The following LAMA2 variants were observed in gnomAD, a reference collection of about 807,000 sequenced individuals.
LAMA2 encodes the protein laminin subunit alpha-2.
LAMA2 carries 269 observed loss-of-function variants against 364.8 expected under a neutral mutation model. The observed-to-expected ratio is 0.74, with a 90% CI of 0.67 to 0.82. The LOEUF is 0.82. LAMA2 is among the 40% of genes least tolerant of loss of function. The pLI, the probability that LAMA2 is intolerant of heterozygous loss-of-function variation, is 0.00. For synonymous variants in LAMA2, 1,379 were observed against 1,370.6 expected (o/e 1.01, Z -0.14); for missense variants, 3,807 against 3,873.2 (o/e 0.98, Z 0.45).
chr6:129,418,956 G>A (rs530058517), intron 40 of LAMA2, among the ~76,000 whole-genome samples: 7 of 152,102 alleles, frequency 4.6e-5, no homozygotes, highest in South Asian at 2.1e-4. Context: ...TGGCTAAATC[G>A]AGGTATTTAA....
At chr6:128,960,745 A>G (rs1781436099) in intron 1 of LAMA2, among the ~76,000 whole-genome samples, 1 of 152,130 alleles carries the variant, frequency 6.6e-6, no homozygotes, top group Admixed American at 6.5e-5. Flanking sequence ...ACAACATTTT[A>G]AATATTACCA....
intron 1 of LAMA2, chr6:128,929,919 G>T: frequency 1.2e-6 from 1 of 815,710 alleles, no homozygotes; most frequent in Non-Finnish European, 2.1e-6. Flanking sequence ...TACGCAGCAA[G>T]CAGGAGCGCG....
chr6:129,283,395 A>G (rs1156784253), intron 18 of LAMA2, among the ~76,000 whole-genome samples: 2 of 152,104 alleles, frequency 1.3e-5, no homozygotes, highest in African/African-American at 2.4e-5. Flanking sequence ...AACCTCAGCA[A>G]CATGTCATAC....
chr6:129,075,330 G>A lies in LAMA2; in HGVS notation c.396+15434G>A, dbSNP rs546189530. Among the ~76,000 whole-genome samples the A allele has an allele frequency of 2.6e-5, 4 of 152,266 alleles. No homozygotes were observed. The South Asian group carries it at 6.2e-4, about 24-fold the overall frequency. On this transcript the variant is annotated intron_variant, in intron 3 of 64. Coordinates refer to ENST00000421865, the MANE Select transcript of LAMA2 (RefSeq NM_000426.4). ...CAAAGGTGGCATGAGATGCTGTCAC[G>A]GAGGTCTCCAGGTCTTCTTAGCTCC...
intron 1 of LAMA2, among the ~76,000 whole-genome samples, chr6:129,043,344 A>T (rs949107025): frequency 1.3e-5 from 2 of 152,186 alleles, no homozygotes; most frequent in Non-Finnish European, 2.9e-5. Flanking sequence ...CATTTAAAAG[A>T]ATTTAACAGG....
At chr6:128,998,618 A>G (rs1784163127) in intron 1 of LAMA2, among the ~76,000 whole-genome samples, 2 of 10,558 alleles carry the variant, frequency 1.9e-4, no homozygotes, top group Non-Finnish European at 7.4e-4. Context: ...TCCCTTTCCG[A>G]GTCAAAGAAA....
At chr6:129,100,213 A>G (rs1035010372) in intron 4 of LAMA2, among the ~76,000 whole-genome samples, 1 of 152,178 alleles carries the variant, frequency 6.6e-6, no homozygotes, top group Non-Finnish European at 1.5e-5. Flanking sequence ...AACAAAAGAC[A>G]TGTTTATTAG....
intron 1 of LAMA2, among the ~76,000 whole-genome samples, chr6:128,918,069 T>C (rs1778458870): frequency 6.6e-6 from 1 of 152,160 alleles, no homozygotes; most frequent in Non-Finnish European, 1.5e-5. Context: ...CTATTTATTT[T>C]CTTTACTTTA....
intron 1 of LAMA2, among the ~76,000 whole-genome samples, chr6:128,981,881 A>C (rs1003334830): frequency 6.6e-6 from 1 of 152,068 alleles, no homozygotes; most frequent in Non-Finnish European, 1.5e-5. Flanking sequence ...ACTCATTCTC[A>C]TCTCTTAATT....
intron 14 of LAMA2, among the ~76,000 whole-genome samples, chr6:129,253,207 A>G (rs1032039674): frequency 1.3e-5 from 2 of 152,024 alleles, no homozygotes; most frequent in African/African-American, 4.8e-5. Flanking sequence ...CTCGTTTTCT[A>G]CTCTAATAAT....
chr6:129,365,257 TG>T (rs1007484860), intron 32 of LAMA2, among the ~76,000 whole-genome samples: 29 of 152,140 alleles, frequency 1.9e-4, no homozygotes, highest in African/African-American at 6.5e-4. Flanking sequence ...TAATCATGGG[TG>T]GTAATAGACT....
intron 18 of LAMA2, 110 bp from the exon 19 acceptor site, chr6:129,287,737 A>G: frequency 1.1e-6 from 1 of 935,142 alleles, no homozygotes; most frequent in Non-Finnish European, 1.8e-6. Context: ...GAAAAGGAAC[A>G]CTTAAAAGGA....
intron 40 of LAMA2, among the ~76,000 whole-genome samples, chr6:129,426,369 G>A (rs1382102918): frequency 6.6e-6 from 1 of 152,032 alleles, no homozygotes. Flanking sequence ...TAAAAATGAC[G>A]TGTAAATTTG....
intron 1 of LAMA2, among the ~76,000 whole-genome samples, chr6:128,950,339 T>A (rs934889022): frequency 3.3e-5 from 5 of 151,816 alleles, no homozygotes. Context: ...TCAAGAAAAG[T>A]GAGTAGTCTG....
chr6:129,014,273 A>T (rs945172790), intron 1 of LAMA2, among the ~76,000 whole-genome samples: 2 of 152,218 alleles, frequency 1.3e-5, no homozygotes, highest in African/African-American at 4.8e-5. Context: ...GCTATCTTAC[A>T]TTCGGATCCT....
At chr6:129,455,741 T>C (rs1782928433) in intron 47 of LAMA2, among the ~76,000 whole-genome samples, 1 of 152,176 alleles carries the variant, frequency 6.6e-6, no homozygotes, top group Admixed American at 6.5e-5. Context: ...TACACTGAAA[T>C]CTGAAGGGTG....
At chr6:129,219,916 A>C (rs930803496) in intron 12 of LAMA2, among the ~76,000 whole-genome samples, 2 of 151,466 alleles carry the variant, frequency 1.3e-5, no homozygotes, top group Non-Finnish European at 2.9e-5. Context: ...ACATGTATAC[A>C]TATGTAACTA....
At chr6:128,966,476 A>C (rs993415560) in intron 1 of LAMA2, among the ~76,000 whole-genome samples, 2 of 152,130 alleles carry the variant, frequency 1.3e-5, no homozygotes, top group African/African-American at 4.8e-5. Flanking sequence ...AAAATAAAAA[A>C]TAAGAAACAA....
intron 9 of LAMA2, among the ~76,000 whole-genome samples, chr6:129,170,821 AG>A (rs1780094843): frequency 6.7e-6 from 1 of 149,552 alleles, no homozygotes. Flanking sequence ...GTCTCTTTGT[AG>A]GTCACTCAGG....
Sources: gnomAD v4.1 joint callset for allele counts (sites outside exome capture counted in the v4.1 genomes callset) on GRCh38, gnomAD v4.1.1 for gene constraint, MANE v1.5 for transcripts, NCBI Gene and HGNC (gene_info 2026-07-23, HGNC 2026-07-21) for gene names.